ZDHHC15: variants seen among roughly 807,000 people sequenced by gnomAD.
ZDHHC15 encodes the protein zDHHC palmitoyltransferase 15.
Under a neutral mutation model 31.7 loss-of-function variants are expected in ZDHHC15, and 19 were observed. The observed-to-expected ratio is 0.60, with a 90% CI of 0.42 to 0.88. The LOEUF is 0.88. Ranked by LOEUF, ZDHHC15 falls within the 40% of genes least tolerant of loss-of-function variation. ZDHHC15 has a pLI of 0.00. For synonymous variants in ZDHHC15, 103 were observed against 90.0 expected (o/e 1.14, Z -0.82); for missense variants, 209 against 251.2 (o/e 0.83, Z 1.14).
chrX:75,505,736 T>A, intron 2 of ZDHHC15, 85 bp downstream of exon 2: 1 of 1,053,907 alleles, frequency 9.5e-7, no homozygotes, highest in Non-Finnish European at 1.3e-6. Context: ...GGAAAATTGC[T>A]CGGTCTATAG....
chrX:75,400,426 T>C (rs1256340083), intron 10 of ZDHHC15, among the ~76,000 whole-genome samples: 2 of 108,865 alleles, frequency 1.8e-5, no homozygotes, highest in East Asian at 2.9e-4. Flanking sequence ...CAGAGAAAAA[T>C]AAAGAAAAAA....
chrX:75,499,713 A>G, intron 2 of ZDHHC15, among the ~76,000 whole-genome samples: 1 of 112,320 alleles, frequency 8.9e-6, no homozygotes, highest in Non-Finnish European at 1.9e-5. Flanking sequence ...GGAAAACATT[A>G]CGGAGATTCC....
At chrX:75,407,617 G>A (rs796343235) in intron 10 of ZDHHC15, among the ~76,000 whole-genome samples, 232 of 90,241 alleles carry the variant, frequency 2.6e-3, no homozygotes, top group Non-Finnish European at 4.4e-3. Context: ...CCCAGCAGCC[G>A]CCCCGTCTGG....
At chrX:75,393,072 C>T (rs2083263812) in intron 10 of ZDHHC15, among the ~76,000 whole-genome samples, 1 of 110,962 alleles carries the variant, frequency 9.0e-6, no homozygotes, top group Admixed American at 9.5e-5. Flanking sequence ...AACAGACGCC[C>T]TAATGGATCT....
chrX:75,379,044 CT>C (rs1569302612), intron 11 of ZDHHC15, 75 bp downstream of exon 11: 1 of 792,612 alleles, frequency 1.3e-6, no homozygotes, highest in Admixed American at 2.8e-5. Flanking sequence ...GAACTTATTT[CT>C]TTTCTAGTTC....
intron 1 of ZDHHC15, among the ~76,000 whole-genome samples, chrX:75,514,451 C>T (rs1443987369): frequency 8.9e-6 from 1 of 111,950 alleles, no homozygotes; most frequent in Non-Finnish European, 1.9e-5. Flanking sequence ...GGAACAGCTG[C>T]AGTCTACAGC....
intron 10 of ZDHHC15, among the ~76,000 whole-genome samples, chrX:75,407,971 C>T (rs778989226): frequency 0.016 from 1,768 of 110,328 alleles, 45 homozygotes; most frequent in African/African-American, 0.055. Flanking sequence ...GGATTAAGGG[C>T]GGTGCAAGAT....
intron 3 of ZDHHC15, among the ~76,000 whole-genome samples, chrX:75,455,466 T>G (rs780963396): frequency 2.7e-5 from 3 of 111,807 alleles, no homozygotes; most frequent in East Asian, 2.8e-4. Flanking sequence ...GGGCAAGGAC[T>G]TCGTGACTAA....
chrX:75,517,667 A>C (rs1452609441), intron 1 of ZDHHC15, among the ~76,000 whole-genome samples: 2 of 108,711 alleles, frequency 1.8e-5, no homozygotes, highest in Non-Finnish European at 3.8e-5. Context: ...CAGCACACCA[A>C]CATGGCACAT....
At chrX:75,425,668 G>T (rs2083704752) in intron 7 of ZDHHC15, among the ~76,000 whole-genome samples, 1 of 111,732 alleles carries the variant, frequency 8.9e-6, no homozygotes, top group Non-Finnish European at 1.9e-5. Flanking sequence ...TCAGTGTGAT[G>T]AATCACTTTG....
chrX:75,505,866 AAG>A lies in ZDHHC15; in HGVS notation c.137-21_137-20del, dbSNP rs1417235687. On this transcript the variant is annotated intron_variant, in intron 1 of 11. Coordinates refer to ENST00000373367, the MANE Select transcript of ZDHHC15 (RefSeq NM_144969.3). The stretch of plus-strand genomic sequence containing the variant: ...ACAGTCACTGTGAAGAGACAGGAGA[AAG>A]AGAGACAGACAGACAGACAGAGATG... 3 of 1,178,737 alleles carry A rather than the reference AAG, an allele frequency of 2.5e-6. No homozygotes were observed. The highest frequency in any genetic ancestry group is 5.9e-5 in the East Asian group (2 of 33,614).
At position 75,503,991 on chromosome X, in the gene ZDHHC15, T is replaced by C. The variant is rs1231499342; in HGVS notation, c.163+1830A>G. On this transcript the variant is annotated intron_variant, in intron 2 of 11. Coordinates refer to ENST00000373367, the MANE Select transcript of ZDHHC15 (RefSeq NM_144969.3). The stretch of plus-strand genomic sequence containing the variant: ...TTTTCATATGGCTGTCCTCTCTCTG[T>C]ATGTGTCTGTGTATCCAAATTTCCC... 2.7e-5 allele frequency among the ~76,000 whole-genome samples: 3 copies of C among 111,271 alleles called. No homozygotes were observed. In the Admixed American group the frequency reaches 2.9e-4, roughly 11 times the overall value.
At chrX:75,399,268 C>T (rs1334487471) in intron 10 of ZDHHC15, among the ~76,000 whole-genome samples, 1 of 111,747 alleles carries the variant, frequency 8.9e-6, no homozygotes, top group East Asian at 2.8e-4. Flanking sequence ...ACAGAGCCTC[C>T]AGGGGCAACT....
rs2083008237 is a variant in ZDHHC15, at chrX:75,371,803, T to C, written c.*1175A>G. ...CAGTACTAGTATTCTCACTCATTGA[T>C]TCAGGCACTAGGACTAAAAGAAAGG... is the stretch of plus-strand genomic sequence containing the variant. On this transcript the variant is annotated 3_prime_UTR_variant, in exon 12 of 12. Transcript: ENST00000373367. 8.9e-6 allele frequency: 1 copy of C among 112,009 alleles called. No individual in the cohort carries two copies. Among genetic ancestry groups the C allele is most frequent in the African/African-American group, 3.2e-5 (1 of 30,850 alleles). 9.2% of individuals were successfully genotyped at this position (112,009 alleles called of 1,213,427 possible). A position where few individuals can be genotyped will look rare whatever the true frequency, so the allele number is the denominator to read the frequency against.
intron 10 of ZDHHC15, among the ~76,000 whole-genome samples, chrX:75,407,084 C>A (rs898848797): frequency 1.6e-4 from 18 of 112,579 alleles, no homozygotes; most frequent in African/African-American, 5.5e-4. Context: ...GCCGAGATTG[C>A]AGCCTCTGCC....
chrX:75,443,280 A>G (rs2083973611), intron 4 of ZDHHC15, among the ~76,000 whole-genome samples: 1 of 110,664 alleles, frequency 9.0e-6, no homozygotes, highest in African/African-American at 3.3e-5. Flanking sequence ...TTATAGACCA[A>G]TGGAACAGAA....
chrX:75,422,021 A>T, intron 8 of ZDHHC15, 31 bp from the exon 9 acceptor site: 1 of 1,182,285 alleles, frequency 8.5e-7, no homozygotes, highest in East Asian at 3.0e-5. Flanking sequence ...TGAAGAAAAG[A>T]GGAAGAAAGC....
intron 3 of ZDHHC15, among the ~76,000 whole-genome samples, chrX:75,467,747 A>G (rs1457584651): frequency 2.7e-5 from 3 of 112,255 alleles, no homozygotes; most frequent in Non-Finnish European, 5.6e-5. Context: ...TTATTTAGGC[A>G]AAATTCACAT....
intron 10 of ZDHHC15, among the ~76,000 whole-genome samples, chrX:75,385,021 CTCTG>C (rs1447278178): frequency 8.9e-6 from 1 of 111,953 alleles, no homozygotes; most frequent in Non-Finnish European, 1.9e-5. Context: ...TAACTTATGA[CTCTG>C]TCTAAGTCCT....
Sources: allele counts gnomAD v4.1 joint callset (sites outside exome capture counted in the v4.1 genomes callset), GRCh38; gene constraint gnomAD v4.1.1; transcripts MANE v1.5; gene names NCBI Gene and HGNC (gene_info 2026-07-23, HGNC 2026-07-21).